Variants in PSEN2 observed in about 807,000 individuals in gnomAD.
The protein encoded by PSEN2 is presenilin 2.
A neutral mutation model predicts 49.1 loss-of-function variants in PSEN2; 32 were observed. The observed-to-expected ratio is 0.65, with a 90% CI of 0.49 to 0.88. PSEN2 has a LOEUF of 0.88. Among genes scored for constraint, PSEN2 ranks in the 40% least tolerant of loss-of-function variants. PSEN2 has a pLI of 0.00. For synonymous variants in PSEN2, 255 were observed against 244.0 expected (o/e 1.05, Z -0.42); for missense variants, 522 against 586.9 (o/e 0.89, Z 1.14).
intron 2 of PSEN2, among the ~76,000 whole-genome samples, chr1:226,873,154 G>A (rs1660417780): frequency 6.6e-6 from 1 of 151,100 alleles, no homozygotes; most frequent in African/African-American, 2.4e-5. Flanking sequence ...TCCAGCCTGG[G>A]CAACAAGAGC....
chr1:226,878,068 T>C (rs774897102), intron 3 of PSEN2, among the ~76,000 whole-genome samples: 20 of 152,040 alleles, frequency 1.3e-4, no homozygotes, highest in Non-Finnish European at 2.6e-4. Context: ...TTGTCTTTTT[T>C]TTCTTTTTCT....
At chr1:226,889,284 T>A (rs1409950256) in intron 8 of PSEN2, among the ~76,000 whole-genome samples, 1 of 151,858 alleles carries the variant, frequency 6.6e-6, no homozygotes, top group Non-Finnish European at 1.5e-5. Flanking sequence ...TCATTTACTT[T>A]TTTTTTTTTT....
At chr1:226,894,769 G>T (rs1662014561) in intron 12 of PSEN2, among the ~76,000 whole-genome samples, 1 of 152,214 alleles carries the variant, frequency 6.6e-6, no homozygotes, top group Non-Finnish European at 1.5e-5. Flanking sequence ...AAAACCCTGG[G>T]CATGGCATGA....
At chr1:226,894,984 C>A (rs77567779) in intron 12 of PSEN2, among the ~76,000 whole-genome samples, 2,204 of 152,312 alleles carry the variant, frequency 0.014, 37 homozygotes, top group African/African-American at 0.041. Context: ...GGGCAGCCCC[C>A]ACACCTGCTT....
intron 8 of PSEN2, among the ~76,000 whole-genome samples, chr1:226,889,686 T>C (rs1000912080): frequency 2.6e-5 from 4 of 152,388 alleles, no homozygotes; most frequent in Non-Finnish European, 5.9e-5. Context: ...TGCATATACA[T>C]AACCCCAAAT....
intron 8 of PSEN2, 111 bp downstream of exon 8, chr1:226,889,160 A>G (rs1276036766): frequency 9.9e-7 from 1 of 1,014,648 alleles, no homozygotes; most frequent in East Asian, 2.6e-5. Context: ...CCCTTTCTGC[A>G]GAGGCCTGGG....
intron 6 of PSEN2, 131 bp downstream of exon 6, chr1:226,885,810 C>T (rs1434738286): frequency 1.0e-6 from 1 of 972,996 alleles, no homozygotes; most frequent in African/African-American, 1.6e-5. Context: ...TTTTTGTACT[C>T]CTCCCCACCC....
chr1:226,880,821 C>G (rs1571945679), intron 3 of PSEN2: 1 of 1,574,378 alleles, frequency 6.4e-7, no homozygotes, highest in East Asian at 2.2e-5. Context: ...CCTTGGCCTT[C>G]CCCTGGGTCC....
downstream of PSEN2, among the ~76,000 whole-genome samples, chr1:226,897,062 C>T (rs796546360): frequency 5.3e-5 from 8 of 152,204 alleles, no homozygotes; most frequent in South Asian, 1.0e-3. Context: ...CGAACACTGG[C>T]GGGTGGAATC....
intron 3 of PSEN2, chr1:226,880,783 G>A: frequency 1.2e-6 from 2 of 1,609,084 alleles, no homozygotes; most frequent in Non-Finnish European, 1.7e-6. Context: ...ACTGTTTTAG[G>A]GGGCAGGCTT....
chr1:226,880,715 G>A (rs1660932035), intron 3 of PSEN2: 1 of 1,612,930 alleles, frequency 6.2e-7, no homozygotes, highest in Non-Finnish European at 8.5e-7. Context: ...ACCTGCATGT[G>A]TAGATTTTGG....
chr1:226,887,990 TGAA>T, intron 6 of PSEN2, 98 bp from the exon 7 acceptor site: 2 of 974,086 alleles, frequency 2.1e-6, no homozygotes, highest in South Asian at 1.3e-5. Flanking sequence ...AGTAGCCTAA[TGAA>T]GAGCATTCAG....
intron 5 of PSEN2, 136 bp from the exon 6 acceptor site, chr1:226,885,402 C>A: frequency 2.1e-6 from 2 of 965,068 alleles, no homozygotes; most frequent in Non-Finnish European, 1.5e-6. Context: ...GGATGGTGCC[C>A]GCACTCCATC....
At chr1:226,900,120 C>CTGA (rs1246462492), downstream of PSEN2, among the ~76,000 whole-genome samples, 1 of 152,148 alleles carries the variant, frequency 6.6e-6, no homozygotes, top group Non-Finnish European at 1.5e-5. Context: ...GAATCACAAG[C>CTGA]TGATGTCTTC....
downstream of PSEN2, chr1:226,898,447 G>C (rs976384826): frequency 6.6e-6 from 1 of 152,218 alleles, no homozygotes; most frequent in African/African-American, 2.4e-5. Context: ...TACCCTCCAA[G>C]TATGTGTCTG....
intron 5 of PSEN2, among the ~76,000 whole-genome samples, chr1:226,884,413 T>TA (rs986460041): frequency 2.6e-5 from 4 of 152,210 alleles, no homozygotes; most frequent in Non-Finnish European, 5.9e-5. Flanking sequence ...GAGGAAGACT[T>TA]ATAAAGCCTT....
chr1:226,875,907 A>C (rs1471204265), intron 3 of PSEN2, among the ~76,000 whole-genome samples: 1 of 152,176 alleles, frequency 6.6e-6, no homozygotes, highest in East Asian at 1.9e-4. Flanking sequence ...TTGCATCCTA[A>C]TCCAAAGCAG....
At chr1:226,885,729 C>T (rs750785455) in intron 6 of PSEN2, 50 bp downstream of exon 6, 8 of 1,598,602 alleles carry the variant, frequency 5.0e-6, no homozygotes, top group South Asian at 2.2e-5. Flanking sequence ...GTCTGCCCCA[C>T]ACCATGGCGG....
rs753503617 is a variant in PSEN2 at position 226,894,011 on chromosome 1, C to T, written c.1077C>T (p.Gly359=). The T allele has an allele frequency of 8.1e-6, 13 of 1,612,308 alleles. No individual in the cohort carries two copies. The highest frequency in any genetic ancestry group is 3.3e-5 in the Admixed American group (2 of 60,000). The change falls in exon 12 of 13, where the codon GGC becomes GGT. Residue 359 remains glycine, a synonymous_variant. Coordinates refer to ENST00000366783, the MANE Select transcript of PSEN2 (RefSeq NM_000447.3). ...TTACTGTCTCTCCTCACACAGGGGG[C>T]GTGAAGCTTGGCCTCGGGGACTTCA... ...GEELEEEEER[G]VKLGLGDFIF...
Sources: gnomAD v4.1 joint callset for allele counts (sites outside exome capture counted in the v4.1 genomes callset) on GRCh38, gnomAD v4.1.1 for gene constraint, MANE v1.5 for transcripts, NCBI Gene and HGNC (gene_info 2026-07-23, HGNC 2026-07-21) for gene names.